The following TULP4 variants were observed in gnomAD, a reference collection of about 807,000 sequenced individuals.
TULP4 encodes tubby-related protein 4.
TULP4 carries 16 observed loss-of-function variants against 129.0 expected under a neutral mutation model. The ratio of observed to expected loss-of-function variants is 0.12; its 90% CI spans 0.08 to 0.19. The LOEUF (loss-of-function observed/expected upper bound fraction) is 0.19. Among genes scored for constraint, TULP4 ranks in the 10% least tolerant of loss-of-function variants. The pLI is 1.00. For synonymous variants in TULP4, 998 were observed against 854.0 expected, an observed-to-expected ratio of 1.17 and a Z score of -2.94; for missense variants, 1,842 against 2,059.1, an observed-to-expected ratio of 0.89 and a Z score of 2.04.
At chr6:158,453,227 G>T (rs556759900) in intron 5 of TULP4, among the ~76,000 whole-genome samples, 1 of 152,190 alleles carries the variant, frequency 6.6e-6, no homozygotes, top group Non-Finnish European at 1.5e-5. Flanking sequence ...CGGCACTTTG[G>T]GAGGCCAAGG....
chr6:158,408,599 G>C (rs898577127), intron 1 of TULP4, among the ~76,000 whole-genome samples: 1 of 152,124 alleles, frequency 6.6e-6, no homozygotes, highest in African/African-American at 2.4e-5. Flanking sequence ...GACGAGGAAA[G>C]GGGCAGCAAG....
intron 1 of TULP4, among the ~76,000 whole-genome samples, chr6:158,403,443 G>A (rs985774295): frequency 6.6e-6 from 1 of 152,136 alleles, no homozygotes; most frequent in South Asian, 2.1e-4. Context: ...GGGTTCAAGC[G>A]ATTCTCCTGC....
At chr6:158,466,586 G>A (rs1208458167) in intron 6 of TULP4, among the ~76,000 whole-genome samples, 3 of 152,084 alleles carry the variant, frequency 2.0e-5, no homozygotes, top group Non-Finnish European at 4.4e-5. Flanking sequence ...TGTGTCTTTG[G>A]GCAGTATAAT....
rs9456294 is a variant in TULP4, at chr6:158,342,208, G to A, written c.252+27940G>A. Among the ~76,000 whole-genome samples, 856 of 152,352 alleles carry A rather than the reference G, an allele frequency of 5.6e-3. 7 individuals carry two copies. Among genetic ancestry groups the A allele is most frequent in the African/African-American group, 0.019 (776 of 41,576 alleles). On this transcript the variant is annotated intron_variant, in intron 1 of 13. Coordinates refer to ENST00000367097, the MANE Select transcript of TULP4 (RefSeq NM_020245.5). The stretch of plus-strand genomic sequence containing the variant: ...TGGGATTACAGGCGTGAGCCACTGC[G>A]CCCAGCCCAGCTTGGTGTGATCTTA...
At chr6:158,395,696 G>A (rs113253316) in intron 1 of TULP4, among the ~76,000 whole-genome samples, 15 of 144,842 alleles carry the variant, frequency 1.0e-4, no homozygotes, top group African/African-American at 3.9e-4. Context: ...AGAAGCACCT[G>A]GGATGGACTA....
chr6:158,385,063 A>C (rs1346352602), intron 1 of TULP4, among the ~76,000 whole-genome samples: 5 of 152,202 alleles, frequency 3.3e-5, no homozygotes, highest in African/African-American at 1.2e-4. Context: ...TCTGGAAAGA[A>C]GTTATCCTCG....
intron 6 of TULP4, among the ~76,000 whole-genome samples, chr6:158,470,917 T>A (rs994422636): frequency 6.6e-6 from 1 of 152,180 alleles, no homozygotes; most frequent in Admixed American, 6.5e-5. Context: ...ACTACTGTTT[T>A]GACTGGGTTT....
At chr6:158,364,889 C>T (rs1325076653) in intron 1 of TULP4, among the ~76,000 whole-genome samples, 2 of 152,112 alleles carry the variant, frequency 1.3e-5, no homozygotes, top group Non-Finnish European at 2.9e-5. Context: ...GCGCCCGCCA[C>T]CACGCCTGGC....
In TULP4 at chr6:158,494,607, C is replaced by A. The variant is rs1780286580; in HGVS notation, c.1777-146C>A. ...CTGCCCTCGTTAGCTTCTGATCTTG[C>A]AAATGGTAGATGAGGTAGGGAATGG... On this transcript the variant is annotated intron_variant, in intron 10 of 13. Coordinates refer to ENST00000367097, the MANE Select transcript of TULP4 (RefSeq NM_020245.5). 1.4e-5 allele frequency: 10 copies of A among 720,970 alleles called. No individual in the cohort carries two copies. The South Asian group carries it at 1.9e-4, about 14-fold the overall frequency. The allele number at this position is 720,970 out of a possible 1,614,324, so 44.7% of individuals were successfully genotyped here. A position where few individuals can be genotyped will look rare whatever the true frequency, so the allele number is the denominator to read the frequency against.
intron 1 of TULP4, chr6:158,237,931 A>G (rs1777750431): frequency 2.7e-6 from 2 of 728,794 alleles, no homozygotes; most frequent in African/African-American, 1.7e-5. Flanking sequence ...TAGCTGTTCT[A>G]GGTCACTAAT....
At chr6:158,334,776 G>C (rs1779994034) in intron 1 of TULP4, among the ~76,000 whole-genome samples, 1 of 152,212 alleles carries the variant, frequency 6.6e-6, no homozygotes, top group African/African-American at 2.4e-5. Flanking sequence ...TTAAAGAGGT[G>C]ATTAAGTCAT....
At chr6:158,365,256 C>T (rs1478275876) in intron 1 of TULP4, among the ~76,000 whole-genome samples, 2 of 151,884 alleles carry the variant, frequency 1.3e-5, no homozygotes, top group African/African-American at 4.8e-5. Context: ...TATCTCTATT[C>T]TATACACAGA....
intron 1 of TULP4, among the ~76,000 whole-genome samples, chr6:158,337,247 A>G (rs534881791): frequency 1.4e-5 from 2 of 139,442 alleles, no homozygotes; most frequent in African/African-American, 5.4e-5. Flanking sequence ...TGATTCTTCC[A>G]CTTCAGCTTA....
intron 1 of TULP4, among the ~76,000 whole-genome samples, chr6:158,255,441 C>T (rs949742051): frequency 4.6e-5 from 7 of 152,134 alleles, no homozygotes; most frequent in Non-Finnish European, 8.8e-5. Context: ...TCCCATTCTC[C>T]GTAGGTGATG....
Position 158,496,966 on chromosome 6 carries a change from G to T in TULP4, c.1871-1703G>T, listed in dbSNP as rs558318675. ...GCGCTCGAGTGATTCTCCCACCTCA[G>T]CCTGTACTAGCTAGGACTGTAGACA... On this transcript the variant is annotated intron_variant, in intron 11 of 13. Transcript: ENST00000367097. Among the ~76,000 whole-genome samples, 8 of 152,292 alleles carry T rather than the reference G, an allele frequency of 5.3e-5. No homozygotes were observed. The East Asian group carries it at 1.5e-3, about 29-fold the overall frequency.
At chr6:158,320,366 T>C (rs1456380004) in intron 1 of TULP4, among the ~76,000 whole-genome samples, 1 of 152,232 alleles carries the variant, frequency 6.6e-6, no homozygotes, top group Non-Finnish European at 1.5e-5. Context: ...AAACAATTTC[T>C]TACAGATATT....
intron 2 of TULP4, among the ~76,000 whole-genome samples, chr6:158,419,981 CAT>C (rs1778299841): frequency 6.6e-6 from 1 of 152,186 alleles, no homozygotes; most frequent in African/African-American, 2.4e-5. Context: ...AATTAGACAA[CAT>C]ACTTTTTTCT....
At chr6:158,432,364 G>A (rs1397090598) in intron 3 of TULP4, among the ~76,000 whole-genome samples, 3 of 152,106 alleles carry the variant, frequency 2.0e-5, no homozygotes, top group South Asian at 2.1e-4. Context: ...TGTGGAAAGC[G>A]CACCCCTGCA....
At position 158,313,877 on chromosome 6, in the gene TULP4, AG is replaced by A; in HGVS notation, c.-139del. On this transcript the variant is annotated 5_prime_UTR_variant, in exon 1 of 14. Transcript: ENST00000367097. ...TTTATAAAATACTGACCTTCTAATT[AG>A]ATTCAGGTCAGTCTTAATTAAAGGG... The A allele has an allele frequency of 4.5e-6, 4 of 889,092 alleles. No homozygotes were observed. The highest frequency in any genetic ancestry group is 6.7e-6 in the Non-Finnish European group (4 of 601,398). 55.1% of individuals were successfully genotyped at this position (889,092 alleles called of 1,614,324 possible).
Sources: gnomAD v4.1 joint callset for allele counts (sites outside exome capture counted in the v4.1 genomes callset) on GRCh38, gnomAD v4.1.1 for gene constraint, MANE v1.5 for transcripts, NCBI Gene and HGNC (gene_info 2026-07-23, HGNC 2026-07-21) for gene names.